Variants in CDK14 observed in about 807,000 individuals in gnomAD.
CDK14 encodes the protein cyclin dependent kinase 14.
Under a neutral mutation model 60.7 loss-of-function variants are expected in CDK14, and 34 were observed. The ratio of observed to expected loss-of-function variants is 0.56; its 90% confidence interval spans 0.43 to 0.75. The LOEUF is 0.75. Among genes scored for constraint, CDK14 ranks in the 30% least tolerant of loss-of-function variants. CDK14 has a pLI of 0.00. For synonymous variants in CDK14, 197 were observed against 203.7 expected (o/e 0.97, Z 0.28); for missense variants, 482 against 564.1 (o/e 0.85, Z 1.47).
intron 12 of CDK14, among the ~76,000 whole-genome samples, chr7:91,100,989 C>T (rs1799133446): frequency 6.6e-6 from 1 of 152,140 alleles, no homozygotes; most frequent in Non-Finnish European, 1.5e-5. Flanking sequence ...GGAGACCTAG[C>T]AGTGTAGATT....
intron 9 of CDK14, among the ~76,000 whole-genome samples, chr7:90,978,711 A>T (rs1304399506): frequency 6.6e-6 from 1 of 152,106 alleles, no homozygotes; most frequent in Admixed American, 6.6e-5. Flanking sequence ...CTCCTAATTT[A>T]TTTCTCAGTT....
intron 9 of CDK14, among the ~76,000 whole-genome samples, chr7:90,982,372 G>T (rs778030408): frequency 9.9e-5 from 15 of 152,188 alleles, no homozygotes; most frequent in Non-Finnish European, 1.9e-4. Flanking sequence ...ACAGTTTTAT[G>T]CCTGGCACTC....
chr7:90,696,941 A>G (rs560874955), intron 2 of CDK14, among the ~76,000 whole-genome samples: 10 of 152,266 alleles, frequency 6.6e-5, no homozygotes, highest in Admixed American at 1.3e-4. Flanking sequence ...GAGGTGATCA[A>G]TTGTGTCAGA....
intron 2 of CDK14, among the ~76,000 whole-genome samples, chr7:90,607,415 T>A (rs963645616): frequency 1.2e-4 from 18 of 152,202 alleles, no homozygotes; most frequent in African/African-American, 4.1e-4. Context: ...AGAGAGTGCC[T>A]GAGCTGGAGT....
intron 8 of CDK14, among the ~76,000 whole-genome samples, chr7:90,929,975 C>T (rs1353546347): frequency 6.6e-6 from 1 of 152,130 alleles, no homozygotes; most frequent in African/African-American, 2.4e-5. Flanking sequence ...GCATGAAACA[C>T]AGAAATCTAC....
intron 12 of CDK14, among the ~76,000 whole-genome samples, chr7:91,110,511 A>G (rs958466411): frequency 6.6e-6 from 1 of 152,156 alleles, no homozygotes; most frequent in South Asian, 2.1e-4. Context: ...ACTATTTTTC[A>G]ATAGATGAGA....
chr7:91,180,438 A>G (rs1200841975), intron 14 of CDK14, among the ~76,000 whole-genome samples: 4 of 152,202 alleles, frequency 2.6e-5, no homozygotes, highest in Admixed American at 6.5e-5. Context: ...ACAGCTATGT[A>G]TAGTACAGCC....
At chr7:90,662,958 A>C (rs1034671936) in intron 2 of CDK14, among the ~76,000 whole-genome samples, 3 of 152,160 alleles carry the variant, frequency 2.0e-5, no homozygotes, top group Non-Finnish European at 2.9e-5. Context: ...AGATGTGAGC[A>C]TGTACTTTAC....
chr7:91,046,966 G>A (rs1797256585), intron 11 of CDK14, among the ~76,000 whole-genome samples: 1 of 152,090 alleles, frequency 6.6e-6, no homozygotes, highest in African/African-American at 2.4e-5. Flanking sequence ...TGCGCAGTGT[G>A]TTCAGAATTC....
chr7:91,086,465 T>C (rs1253261103), intron 12 of CDK14, among the ~76,000 whole-genome samples: 1 of 152,166 alleles, frequency 6.6e-6, no homozygotes, highest in Admixed American at 6.5e-5. Context: ...TCTACCCTTT[T>C]TGAACTCCCT....
At chr7:91,154,293 C>G (rs1042659912) in intron 14 of CDK14, among the ~76,000 whole-genome samples, 1 of 151,068 alleles carries the variant, frequency 6.6e-6, no homozygotes, top group African/African-American at 2.4e-5. Flanking sequence ...GGTGTATTTT[C>G]CTTAATATGA....
At chr7:90,700,641 CA>C in intron 2 of CDK14, among the ~76,000 whole-genome samples, 1 of 152,112 alleles carries the variant, frequency 6.6e-6, no homozygotes, top group Non-Finnish European at 1.5e-5. Context: ...TAAGAGTGAT[CA>C]TTGCCAGTCT....
chr7:90,651,049 G>A (rs996799798), intron 2 of CDK14, among the ~76,000 whole-genome samples: 1 of 152,180 alleles, frequency 6.6e-6, no homozygotes, highest in African/African-American at 2.4e-5. Flanking sequence ...ACCTTGGGCA[G>A]TATGGCCATT....
intron 12 of CDK14, among the ~76,000 whole-genome samples, chr7:91,097,083 T>C (rs1799012879): frequency 6.6e-6 from 1 of 152,184 alleles, no homozygotes; most frequent in Admixed American, 6.5e-5. Flanking sequence ...AATTTTATTA[T>C]ATAAAAACAT....
intron 14 of CDK14, among the ~76,000 whole-genome samples, chr7:91,181,248 C>T (rs1801991363): frequency 6.6e-6 from 1 of 152,076 alleles, no homozygotes; most frequent in South Asian, 2.1e-4. Flanking sequence ...ACCTTTCTTT[C>T]TTCATAAAAT....
chr7:91,044,449 A>T (rs866436616), intron 10 of CDK14, among the ~76,000 whole-genome samples: 1 of 152,272 alleles, frequency 6.6e-6, no homozygotes, highest in Middle Eastern at 3.4e-3. Flanking sequence ...AATGTTTCTT[A>T]CATTTACAGA....
intron 6 of CDK14, among the ~76,000 whole-genome samples, chr7:90,869,334 T>C (rs1312727318): frequency 6.6e-6 from 1 of 152,150 alleles, no homozygotes; most frequent in Non-Finnish European, 1.5e-5. Context: ...GATGCACATA[T>C]TTTTAGAGGA....
chr7:91,143,012 T>G (rs999588560), intron 14 of CDK14, among the ~76,000 whole-genome samples: 1 of 152,136 alleles, frequency 6.6e-6, no homozygotes, highest in African/African-American at 2.4e-5. Context: ...AGGTAAAATG[T>G]GAAAATTACT....
intron 2 of CDK14, among the ~76,000 whole-genome samples, chr7:90,626,566 T>C (rs1799880491): frequency 6.6e-6 from 1 of 152,230 alleles, no homozygotes; most frequent in Non-Finnish European, 1.5e-5. Context: ...ATAATTCTAA[T>C]GAGCTTCTCG....
Sources: gnomAD v4.1 joint callset for allele counts (sites outside exome capture counted in the v4.1 genomes callset) on GRCh38, gnomAD v4.1.1 for gene constraint, MANE v1.5 for transcripts, NCBI Gene and HGNC (gene_info 2026-07-23, HGNC 2026-07-21) for gene names.